HS3ST1: variants seen among roughly 807,000 people sequenced by gnomAD.
The protein encoded by HS3ST1 is heparan sulfate glucosamine 3-O-sulfotransferase 1.
HS3ST1 carries 8 observed loss-of-function variants against 20.7 expected under a neutral mutation model. The observed-to-expected ratio is 0.39, with a 90% confidence interval of 0.23 to 0.70. HS3ST1 has a LOEUF of 0.70. Among genes scored for constraint, HS3ST1 ranks in the 30% least tolerant of loss-of-function variants. The pLI, the probability that HS3ST1 is intolerant of heterozygous loss-of-function variation, is 0.46. For missense variants in HS3ST1, 436 were observed against 423.4 expected, an observed-to-expected ratio of 1.03 and a Z score of -0.26; for synonymous variants, 205 against 190.4, an observed-to-expected ratio of 1.08 and a Z score of -0.63.
chr4:11,422,854 T>C (rs1718972407), intron 1 of HS3ST1, among the ~76,000 whole-genome samples: 1 of 151,270 alleles, frequency 6.6e-6, no homozygotes, highest in Non-Finnish European at 1.5e-5. Context: ...TTAAAGTAAG[T>C]TAATAAGCAC....
intron 1 of HS3ST1, among the ~76,000 whole-genome samples, chr4:11,400,795 G>A (rs555675499): frequency 1.3e-5 from 2 of 152,322 alleles, no homozygotes; most frequent in Non-Finnish European, 2.9e-5. Flanking sequence ...AATTGGCCTT[G>A]CTACTAGCAT....
rs1315848267 is a variant in HS3ST1, at chr4:11,396,523, A to G, written c.*2559T>C. The G allele has an allele frequency of 1.3e-5, 2 of 152,234 alleles. No homozygotes were observed. Among genetic ancestry groups the G allele is most frequent in the South Asian group, 2.1e-4 (1 of 4,832 alleles). 9.4% of individuals were successfully genotyped at this position (152,234 alleles called of 1,614,324 possible). A position where few individuals can be genotyped will look rare whatever the true frequency, so the allele number is the denominator to read the frequency against. On this transcript the variant is annotated 3_prime_UTR_variant, in exon 2 of 2. Coordinates refer to ENST00000002596, the MANE Select transcript of HS3ST1 (RefSeq NM_005114.4). ...GCATGTTTTGGAGGGACCGGGTGCT[A>G]TTAGGCTCCTGAGTCACTGCATTTT...
At chr4:11,417,174 T>C (rs1718806613) in intron 1 of HS3ST1, among the ~76,000 whole-genome samples, 1 of 152,226 alleles carries the variant, frequency 6.6e-6, no homozygotes, top group Admixed American at 6.5e-5. Context: ...GACAGCCAGC[T>C]TTCCAGCACC....
intron 1 of HS3ST1, among the ~76,000 whole-genome samples, chr4:11,425,448 G>T (rs1208938214): frequency 6.6e-6 from 1 of 152,078 alleles, no homozygotes; most frequent in Non-Finnish European, 1.5e-5. Flanking sequence ...TATGTTAAAA[G>T]GAAAAACACT....
chr4:11,410,262 G>C (rs1401861978), intron 1 of HS3ST1, among the ~76,000 whole-genome samples: 2 of 152,130 alleles, frequency 1.3e-5, no homozygotes, highest in African/African-American at 4.8e-5. Flanking sequence ...TGAATGACTA[G>C]ACCTCAGAGT....
rs1273360087 is a variant in HS3ST1 at position 11,394,133 on chromosome 4, A to AC, written c.*4948dup. ...TGCACTGGGTTTATAGTTTTTACCT[A>AC]CTTTATCTCATTGAGTTGGAGTTTT... On this transcript the variant is annotated 3_prime_UTR_variant, in exon 2 of 2. Coordinates refer to ENST00000002596, the MANE Select transcript of HS3ST1 (RefSeq NM_005114.4). 3 of 152,206 alleles carry AC rather than the reference A, an allele frequency of 2.0e-5. No individual in the cohort carries two copies. Among genetic ancestry groups the AC allele is most frequent in the Admixed American group, 6.5e-5 (1 of 15,282 alleles). 9.4% of individuals were successfully genotyped at this position (152,206 alleles called of 1,614,324 possible). A position where few individuals can be genotyped will look rare whatever the true frequency, so the allele number is the denominator to read the frequency against.
chr4:11,399,206 T>C lies in HS3ST1; in HGVS notation c.800A>G (p.His267Arg), dbSNP rs1372934488. The change falls in exon 2 of 2, where the codon CAT becomes CGT. Residue 267 changes from histidine (H) to arginine (R), a missense_variant. Coordinates refer to ENST00000002596, the MANE Select transcript of HS3ST1 (RefSeq NM_005114.4). This position sits in a 1 kb window ranked among gnomAD's most constrained non-coding sequence, Gnocchi z 5.1. ...GGGGTGCGCCCGGCCTTTGGACTCA[T>C]GTAAGCAGCGGTCCCGGCCGCTGTC... ...LRDSGRDRCLHESKGRAHPQV... is the reference protein window; with the variant it reads ...LRDSGRDRCLRESKGRAHPQV... 6.2e-7 allele frequency: 1 copy of C among 1,614,178 alleles called. No individual in the cohort carries two copies.
chr4:11,410,339 G>A (rs1379949961), intron 1 of HS3ST1, among the ~76,000 whole-genome samples: 2 of 152,216 alleles, frequency 1.3e-5, no homozygotes, highest in African/African-American at 2.4e-5. Flanking sequence ...CAGAGGGTCA[G>A]GGAGGGCCTC....
chr4:11,432,218 A>C (rs1474186436), upstream of HS3ST1, among the ~76,000 whole-genome samples: 1 of 152,204 alleles, frequency 6.6e-6, no homozygotes, highest in Non-Finnish European at 1.5e-5. Context: ...CAGAATCCAC[A>C]GTAGTCTACC....
At chr4:11,432,481 T>G (rs1719223542), upstream of HS3ST1, among the ~76,000 whole-genome samples, 1 of 152,162 alleles carries the variant, frequency 6.6e-6, no homozygotes, top group Non-Finnish European at 1.5e-5. Flanking sequence ...TCAAATGTAT[T>G]TTTAAAAGGG....
chr4:11,422,774 A>G (rs1012535588), intron 1 of HS3ST1, among the ~76,000 whole-genome samples: 1 of 152,170 alleles, frequency 6.6e-6, no homozygotes, highest in Non-Finnish European at 1.5e-5. Context: ...GAAATTTTAT[A>G]ATAAAAATGT....
At chr4:11,425,065 G>A (rs567771700) in intron 1 of HS3ST1, among the ~76,000 whole-genome samples, 4 of 152,222 alleles carry the variant, frequency 2.6e-5, no homozygotes, top group South Asian at 2.1e-4. Context: ...TTTTCCGATC[G>A]GCAGATTCCA....
chr4:11,427,310 G>A (rs1719086606), intron 1 of HS3ST1, among the ~76,000 whole-genome samples: 1 of 152,220 alleles, frequency 6.6e-6, no homozygotes, highest in South Asian at 2.1e-4. Context: ...ACCCTCTTCC[G>A]GGGCTACTGG....
At chr4:11,425,201 G>A (rs939243942) in intron 1 of HS3ST1, among the ~76,000 whole-genome samples, 3 of 152,182 alleles carry the variant, frequency 2.0e-5, no homozygotes, top group African/African-American at 7.2e-5. Context: ...CACTGAGTTA[G>A]GTTCTGGAGA....
chr4:11,430,737 C>T (rs1275888818), upstream of HS3ST1, among the ~76,000 whole-genome samples: 1 of 152,204 alleles, frequency 6.6e-6, no homozygotes, highest in Admixed American at 6.5e-5. Context: ...GAAACTGGAA[C>T]CCCAGGTCTC....
At chr4:11,433,972 T>C (rs1036950200), upstream of HS3ST1, among the ~76,000 whole-genome samples, 2 of 152,246 alleles carry the variant, frequency 1.3e-5, no homozygotes, top group African/African-American at 4.8e-5. Context: ...AATCAGCACA[T>C]GCTGTTTCTA....
In HS3ST1 at chr4:11,398,127, CAT is replaced by C. The variant is rs1239291227; in HGVS notation, c.*953_*954del. ...TCCAAATTTAGAGTTGATTTTGAAA[CAT>C]ACACATATTTATGTCTCAGTGCATA... On this transcript the variant is annotated 3_prime_UTR_variant, in exon 2 of 2. Transcript: ENST00000002596. The C allele has an allele frequency of 6.6e-6, 1 of 152,212 alleles. No homozygotes were observed. Among genetic ancestry groups the C allele is most frequent in the Non-Finnish European group, 1.5e-5 (1 of 68,042 alleles). The allele number at this position is 152,212 out of a possible 1,614,324, so 9.4% of individuals were successfully genotyped here.
rs183209640 is a variant in HS3ST1, at chr4:11,410,726, T to C, written c.-108-10613A>G. On this transcript the variant is annotated intron_variant, in intron 1 of 1. Coordinates refer to ENST00000002596, the MANE Select transcript of HS3ST1 (RefSeq NM_005114.4). ...GTCAAACATGGTGAAACCCTGTCTCTACTAAAAATACAAAAATTAGCCAGG... is the reference window on the plus strand; with the variant it reads ...GTCAAACATGGTGAAACCCTGTCTCCACTAAAAATACAAAAATTAGCCAGG... 2.5e-3 allele frequency among the ~76,000 whole-genome samples: 382 copies of C among 152,216 alleles called. 1 individual carries two copies. Among genetic ancestry groups the C allele is most frequent in the Non-Finnish European group, 4.3e-3 (291 of 68,006 alleles).
rs1416063332 is a variant in HS3ST1 at position 11,396,414 on chromosome 4, A to T, written c.*2668T>A. On this transcript the variant is annotated 3_prime_UTR_variant, in exon 2 of 2. Transcript: ENST00000002596. ...CTGGAAGGACCCACCTAGATCCCCC[A>T]GGCTGCTCCCGGGCCGGGGTGGTCT... is the stretch of plus-strand genomic sequence containing the variant. 1 of 152,256 alleles carries T rather than the reference A, an allele frequency of 6.6e-6. No homozygotes were observed. Among genetic ancestry groups the T allele is most frequent in the Non-Finnish European group, 1.5e-5 (1 of 68,130 alleles). The allele number at this position is 152,256 out of a possible 1,614,324, so 9.4% of individuals were successfully genotyped here. A position where few individuals can be genotyped will look rare whatever the true frequency, so the allele number is the denominator to read the frequency against.
Sources: gnomAD v4.1 joint callset for allele counts (sites outside exome capture counted in the v4.1 genomes callset) on GRCh38, gnomAD v4.1.1 for gene constraint, Gnocchi (gnomAD v3.1) non-coding constraint, MANE v1.5 for transcripts, NCBI Gene and HGNC (gene_info 2026-07-23, HGNC 2026-07-21) for gene names.